The following FGF14 variants were observed in gnomAD, a reference collection of about 807,000 sequenced individuals.
FGF14 encodes the protein fibroblast growth factor homologous factor 4.
A neutral mutation model predicts 25.5 loss-of-function variants in FGF14; 5 were observed. That is an observed-to-expected ratio of 0.20 (90% CI 0.10 to 0.41). The LOEUF is 0.41. Among genes scored for constraint, FGF14 ranks in the 10% least tolerant of loss-of-function variants. The pLI is 1.00. For synonymous variants in FGF14, 138 were observed against 118.3 expected (o/e 1.17, Z -1.08); for missense variants, 222 against 320.1 (o/e 0.69, Z 2.34).
chr13:102,044,569 T>G (rs1465452131), intron 1 of FGF14, among the ~76,000 whole-genome samples: 1 of 152,112 alleles, frequency 6.6e-6, no homozygotes, highest in African/African-American at 2.4e-5. Context: ...TTCTATAAGT[T>G]TCAGGTGGCT....
chr13:102,153,723 C>T (rs2047190724), intron 1 of FGF14, among the ~76,000 whole-genome samples: 2 of 152,122 alleles, frequency 1.3e-5, no homozygotes, highest in African/African-American at 4.8e-5. Flanking sequence ...CCTTCCCAGC[C>T]TCTGGTAACC....
chr13:102,281,251 C>G (rs191777985), intron 1 of FGF14, among the ~76,000 whole-genome samples: 75 of 152,308 alleles, frequency 4.9e-4, no homozygotes, highest in Non-Finnish European at 8.8e-4. Flanking sequence ...TCTGAGTAAG[C>G]TCAGGAGGTA....
chr13:101,862,494 T>TA (rs1365737708), intron 3 of FGF14, among the ~76,000 whole-genome samples: 2 of 152,076 alleles, frequency 1.3e-5, no homozygotes, highest in African/African-American at 2.4e-5. Flanking sequence ...ACCTAACAAA[T>TA]AAAAAAATTG....
chr13:102,299,090 G>C (rs1361777984), intron 1 of FGF14, among the ~76,000 whole-genome samples: 1 of 152,018 alleles, frequency 6.6e-6, no homozygotes, highest in Non-Finnish European at 1.5e-5. Flanking sequence ...TTCTACATTG[G>C]TAGAAAACTC....
In FGF14 at chr13:101,819,712, C is replaced by A. The variant is rs79970580; in HGVS notation, c.408+49013G>T. 4.1e-3 allele frequency among the ~76,000 whole-genome samples: 618 copies of A among 152,232 alleles called. 5 individuals are homozygous for A. Among genetic ancestry groups the A allele is most frequent in the African/African-American group, 0.014 (567 of 41,530 alleles). Reference sequence around the variant, plus strand: ...TTCTAGCAATGATACTCATTCATTCCCAAAGTTATTATAATATGGATTTTT... The same window carrying A: ...TTCTAGCAATGATACTCATTCATTCACAAAGTTATTATAATATGGATTTTT... On this transcript the variant is annotated intron_variant, in intron 3 of 4. Transcript: ENST00000376143.
intron 1 of FGF14, among the ~76,000 whole-genome samples, chr13:102,175,197 C>A (rs2048397263): frequency 6.6e-6 from 1 of 152,096 alleles, no homozygotes; most frequent in African/African-American, 2.4e-5. Flanking sequence ...TTAAGTTATA[C>A]TACAAGGCTA....
chr13:102,013,457 T>A (rs1417318299), intron 1 of FGF14, among the ~76,000 whole-genome samples: 4 of 152,216 alleles, frequency 2.6e-5, no homozygotes, highest in South Asian at 4.1e-4. Context: ...TCAAATGGTA[T>A]TTTAGGTTTC....
intron 1 of FGF14, among the ~76,000 whole-genome samples, chr13:102,381,554 G>A (rs1318502782): frequency 6.6e-6 from 1 of 152,138 alleles, no homozygotes; most frequent in Non-Finnish European, 1.5e-5. Flanking sequence ...TCAGCCTCCA[G>A]AAACATGAGA....
chr13:101,758,060 T>C (rs2037775395), intron 3 of FGF14, among the ~76,000 whole-genome samples: 2 of 152,214 alleles, frequency 1.3e-5, no homozygotes, highest in Non-Finnish European at 2.9e-5. Flanking sequence ...CTGTGGATTC[T>C]CTTGAAGTTA....
intron 1 of FGF14, among the ~76,000 whole-genome samples, chr13:102,315,487 C>A (rs574295201): frequency 2.2e-4 from 34 of 152,238 alleles, no homozygotes; most frequent in African/African-American, 7.9e-4. Flanking sequence ...TCTCTGAGAG[C>A]CAGCATTATG....
chr13:102,084,366 A>C (rs988594164), intron 1 of FGF14, among the ~76,000 whole-genome samples: 1 of 152,218 alleles, frequency 6.6e-6, no homozygotes, highest in African/African-American at 2.4e-5. Context: ...CAGCACAAAA[A>C]ACTAGTTACT....
chr13:101,757,974 AT>A (rs1405121305), intron 3 of FGF14, among the ~76,000 whole-genome samples: 1 of 152,206 alleles, frequency 6.6e-6, no homozygotes. Context: ...AAGTATCACA[AT>A]TTTAGAACTT....
chr13:102,068,808 C>G (rs561954664), intron 1 of FGF14, among the ~76,000 whole-genome samples: 1 of 152,232 alleles, frequency 6.6e-6, no homozygotes, highest in South Asian at 2.1e-4. Context: ...GCACCACCCC[C>G]CTGCTCCAAG....
At chr13:102,382,557 A>T (rs1301599291) in intron 1 of FGF14, among the ~76,000 whole-genome samples, 1 of 152,174 alleles carries the variant, frequency 6.6e-6, no homozygotes, top group Non-Finnish European at 1.5e-5. Flanking sequence ...TTTGATAAAC[A>T]TTTGGTAGTC....
In FGF14 at chr13:101,720,528, C is replaced by CTGTGTGTGTGTGTGTGTG. The variant is rs1491358179; in HGVS notation, c.*2302_*2303insCACACACACACACACACA. ...AGTAACAAATAGATGGGGGTGTTTGCTCTGTGTGTGTGTGTGTGTGTGTGT... is the reference window on the plus strand; with the variant it reads ...AGTAACAAATAGATGGGGGTGTTTGCTGTGTGTGTGTGTGTGTGTCTGTGTGTGTGTGTGTGTGTGTGT... On this transcript the variant is annotated 3_prime_UTR_variant, in exon 5 of 5. Coordinates refer to ENST00000376143, the MANE Select transcript of FGF14 (RefSeq NM_004115.4). 1.1e-5 allele frequency: 1 copy of CTGTGTGTGTGTGTGTGTG among 92,694 alleles called. No homozygotes were observed. The highest frequency in any genetic ancestry group is 4.7e-5 in the African/African-American group (1 of 21,218). The allele number at this position is 92,694 out of a possible 1,614,324, so 5.7% of individuals were successfully genotyped here. A position where few individuals can be genotyped will look rare whatever the true frequency, so the allele number is the denominator to read the frequency against.
At chr13:102,200,991 A>C (rs528472728) in intron 1 of FGF14, among the ~76,000 whole-genome samples, 6 of 151,218 alleles carry the variant, frequency 4.0e-5, no homozygotes, top group African/African-American at 1.5e-4. Flanking sequence ...AGTCCCAGCT[A>C]CTGGGGAGGC....
intron 3 of FGF14, among the ~76,000 whole-genome samples, chr13:101,812,744 C>T (rs1228143020): frequency 7.1e-6 from 1 of 141,178 alleles, no homozygotes; most frequent in African/African-American, 2.6e-5. Context: ...CCCACTGCAA[C>T]CTCTGCCTCC....
intron 1 of FGF14, among the ~76,000 whole-genome samples, chr13:102,061,912 C>G (rs1048487453): frequency 5.3e-5 from 8 of 152,158 alleles, no homozygotes; most frequent in African/African-American, 1.7e-4. Context: ...GAAGAGGCAT[C>G]TGAGAACTCT....
chr13:101,761,100 G>T (rs1260700902), intron 3 of FGF14, among the ~76,000 whole-genome samples: 1 of 152,122 alleles, frequency 6.6e-6, no homozygotes, highest in African/African-American at 2.4e-5. Context: ...TACTAACAAA[G>T]GTTATAAGGC....
Sources: allele counts gnomAD v4.1 joint callset (sites outside exome capture counted in the v4.1 genomes callset), GRCh38; gene constraint gnomAD v4.1.1; transcripts MANE v1.5; gene names NCBI Gene and HGNC (gene_info 2026-07-23, HGNC 2026-07-21).